The following UGT1A5 variants were observed in gnomAD, a reference collection of about 807,000 sequenced individuals.
UGT1A5 encodes the protein UDP-glucuronosyltransferase 1A5.
UGT1A5 carries 29 observed loss-of-function variants against 40.3 expected under a neutral mutation model. That is an observed-to-expected ratio of 0.72 (90% CI 0.54 to 0.98). The LOEUF is 0.98. Ranked by LOEUF, UGT1A5 falls within the 50% of genes least tolerant of loss-of-function variation. The probability of loss-of-function intolerance (pLI) is 0.00; values close to 1 mark genes in which losing one functional copy is unlikely to be tolerated. For missense variants in UGT1A5, 678 were observed against 677.9 expected, an observed-to-expected ratio of 1.00 and a Z score of 0.00; for synonymous variants, 257 against 262.5, an observed-to-expected ratio of 0.98 and a Z score of 0.20.
chr2:233,758,661 T>C (rs1290185814), intron 1 of UGT1A5, among the ~76,000 whole-genome samples: 2 of 152,178 alleles, frequency 1.3e-5, no homozygotes, highest in Non-Finnish European at 2.9e-5. Context: ...GGTACCCTAA[T>C]TACCTGTTAA....
intron 1 of UGT1A5, among the ~76,000 whole-genome samples, chr2:233,765,395 G>A (rs1009787089): frequency 6.6e-6 from 1 of 152,142 alleles, no homozygotes; most frequent in Non-Finnish European, 1.5e-5. Context: ...AGAAAATGTG[G>A]TACATATACA....
At chr2:233,748,200 T>A (rs1186439065) in intron 1 of UGT1A5, 1 of 1,532,446 alleles carries the variant, frequency 6.5e-7, no homozygotes, top group Non-Finnish European at 8.8e-7. Flanking sequence ...CTGCTTGTCG[T>A]AATAGCCTTC....
At chr2:233,727,618 G>A (rs577107936) in intron 1 of UGT1A5, among the ~76,000 whole-genome samples, 2 of 152,292 alleles carry the variant, frequency 1.3e-5, no homozygotes, top group South Asian at 2.1e-4. Context: ...TTCAGAGGCT[G>A]AGAGGTTGCA....
intron 1 of UGT1A5, among the ~76,000 whole-genome samples, chr2:233,759,599 A>ACCCCCCCCCCCCCCCCCC (rs1553620419): frequency 9.2e-6 from 1 of 108,664 alleles, no homozygotes; most frequent in African/African-American, 3.3e-5. Flanking sequence ...CCCACCCCCG[A>ACCCCCCCCCCCCCCCCCC]CCCGCCCCAC....
At chr2:233,756,622 C>T (rs1385853377) in intron 1 of UGT1A5, among the ~76,000 whole-genome samples, 1 of 152,014 alleles carries the variant, frequency 6.6e-6, no homozygotes, top group African/African-American at 2.4e-5. Flanking sequence ...ACTTGCAGGC[C>T]GTGTGTATAG....
chr2:233,714,809 G>A (rs545646081), intron 1 of UGT1A5, among the ~76,000 whole-genome samples: 102 of 152,292 alleles, frequency 6.7e-4, no homozygotes, highest in Middle Eastern at 3.4e-3. Context: ...ATATTCATAT[G>A]TAGTTAGTGA....
rs1700557066 is a variant in UGT1A5 at position 233,772,919 on chromosome 2, C to A, written c.*360C>A. On this transcript the variant is annotated 3_prime_UTR_variant, in exon 5 of 5. Coordinates refer to ENST00000373414, the MANE Select transcript of UGT1A5 (RefSeq NM_019078.2). Reference sequence around the variant, plus strand: ...CCACGGCTGCCCCTACTGCAAATGGCAGTTTTAATCTTATCTTTTGGCTTC... The same window carrying A: ...CCACGGCTGCCCCTACTGCAAATGGAAGTTTTAATCTTATCTTTTGGCTTC... 1 of 369,168 alleles carries A rather than the reference C, an allele frequency of 2.7e-6. No homozygotes were observed. Among genetic ancestry groups the A allele is most frequent in the Non-Finnish European group, 4.8e-6 (1 of 207,048 alleles). 22.9% of individuals were successfully genotyped at this position (369,168 alleles called of 1,614,324 possible).
chr2:233,751,466 T>C (rs1694736440), intron 1 of UGT1A5, among the ~76,000 whole-genome samples: 1 of 152,134 alleles, frequency 6.6e-6, no homozygotes. Context: ...GAAGGCACGA[T>C]TGGTTTTGAA....
In UGT1A5 at chr2:233,743,171, T is replaced by G. The variant is rs182109098; in HGVS notation, c.868-23863T>G. The G allele has an allele frequency of 7.8e-4, 286 of 364,898 alleles. 2 individuals are homozygous for G. Among genetic ancestry groups the G allele is most frequent in the East Asian group, 3.6e-3 (49 of 13,664 alleles). 22.6% of individuals were successfully genotyped at this position (364,898 alleles called of 1,614,324 possible). A position where few individuals can be genotyped will look rare whatever the true frequency, so the allele number is the denominator to read the frequency against. ...GCTATTCCTCCAGATGTGCTTAAAG[T>G]CAAATGTGGACTGGAATTACTTGGT... On this transcript the variant is annotated intron_variant, in intron 1 of 4. Coordinates refer to ENST00000373414, the MANE Select transcript of UGT1A5 (RefSeq NM_019078.2).
At chr2:233,760,687 A>C in intron 1 of UGT1A5, 1 of 1,614,232 alleles carries the variant, frequency 6.2e-7, no homozygotes, top group Non-Finnish European at 8.5e-7. Context: ...ACTGCACAAC[A>C]AGGAGCTCAT....
intron 1 of UGT1A5, chr2:233,718,821 A>G: frequency 1.2e-6 from 2 of 1,613,492 alleles, no homozygotes; most frequent in Non-Finnish European, 1.7e-6. Flanking sequence ...TTCTGCTGAG[A>G]TGGCCAGAGG....
chr2:233,713,020 C>T lies in UGT1A5; in HGVS notation c.29C>T (p.Pro10Leu), dbSNP rs143190267. The change falls in exon 1 of 5, where the codon CCG (proline) becomes CTG (leucine). Residue 10 changes from proline to leucine, a missense_variant. By Grantham distance (98) the Pro-to-Leu change is moderately conservative. Coordinates refer to ENST00000373414, the MANE Select transcript of UGT1A5 (RefSeq NM_019078.2). The stretch of plus-strand genomic sequence containing the variant: ...GCCACAGGACTCCAGGTTCCCCTGC[C>T]GCAGCTGGCCACAGGACTGCTGCTT... MATGLQVPL[P>L]QLATGLLLLL... is the part of the protein sequence containing the mutation. The T allele has an allele frequency of 2.4e-5, 38 of 1,613,618 alleles. No homozygotes were observed. Among genetic ancestry groups the T allele is most frequent in the African/African-American group, 6.7e-5 (5 of 74,928 alleles).
intron 1 of UGT1A5, among the ~76,000 whole-genome samples, chr2:233,742,390 G>A (rs1691965200): frequency 6.6e-6 from 1 of 152,012 alleles, no homozygotes. Context: ...GATGGCTCAT[G>A]TTATTATTTG....
intron 1 of UGT1A5, chr2:233,719,161 T>A (rs2076731921): frequency 6.2e-7 from 1 of 1,614,132 alleles, no homozygotes; most frequent in Non-Finnish European, 8.5e-7. Context: ...TCTAGAAGTA[T>A]GGCAATTATG....
At chr2:233,763,534 C>T (rs545430015) in intron 1 of UGT1A5, among the ~76,000 whole-genome samples, 5 of 152,184 alleles carry the variant, frequency 3.3e-5, no homozygotes, top group Admixed American at 1.3e-4. Context: ...CTCCTTTTTC[C>T]GGATTTCTAC....
intron 1 of UGT1A5, chr2:233,730,107 G>T: frequency 1.3e-6 from 2 of 1,570,872 alleles, no homozygotes; most frequent in Non-Finnish European, 1.7e-6. Flanking sequence ...TTTCATTTCT[G>T]CTTCTCCTTG....
Position 233,736,651 on chromosome 2 carries a change from G to A in UGT1A5, c.867+22793G>A, listed in dbSNP as rs2078789354. Reference sequence around the variant, plus strand: ...GCTCTAGTTTCCCCCCATCTTTGTGGTTTTATGTACCTTAGGTCTTTGATG... The same window carrying A: ...GCTCTAGTTTCCCCCCATCTTTGTGATTTTATGTACCTTAGGTCTTTGATG... On this transcript the variant is annotated intron_variant, in intron 1 of 4. Transcript: ENST00000373414. Among the ~76,000 whole-genome samples the A allele has an allele frequency of 2.0e-5, 3 of 152,328 alleles. No individual in the cohort carries two copies. The South Asian group carries it at 6.2e-4, about 32-fold the overall frequency.
intron 1 of UGT1A5, chr2:233,744,153 G>A (rs1282239718): frequency 6.6e-6 from 2 of 302,660 alleles, no homozygotes; most frequent in Non-Finnish European, 1.3e-5. Flanking sequence ...TCCAAGACCA[G>A]GCCCCGCCCA....
At chr2:233,742,599 A>G (rs1331499090) in intron 1 of UGT1A5, among the ~76,000 whole-genome samples, 1 of 151,848 alleles carries the variant, frequency 6.6e-6, no homozygotes, top group Non-Finnish European at 1.5e-5. Context: ...GCAACCTACC[A>G]TAGTTGGAGA....
Sources: allele counts gnomAD v4.1 joint callset (sites outside exome capture counted in the v4.1 genomes callset), GRCh38; gene constraint gnomAD v4.1.1; transcripts MANE v1.5; gene names NCBI Gene and HGNC (gene_info 2026-07-23, HGNC 2026-07-21).